The following SGCG variants were observed in gnomAD, a reference collection of about 807,000 sequenced individuals.
SGCG encodes gamma-sarcoglycan.
SGCG carries 26 observed loss-of-function variants against 29.3 expected under a neutral mutation model. That is an observed-to-expected ratio of 0.89 (90% CI 0.65 to 1.23). SGCG has a LOEUF of 1.23. Ranked by LOEUF, SGCG falls within the 50% of genes most tolerant of loss-of-function variation. SGCG has a pLI of 0.00. For missense variants in SGCG, 353 were observed against 356.0 expected (o/e 0.99, Z 0.07); for synonymous variants, 145 against 129.7 (o/e 1.12, Z -0.80).
rs186050311 is a variant in SGCG, at chr13:23,261,989, A to G, written c.385+11272A>G. Among the ~76,000 whole-genome samples the G allele has an allele frequency of 5.2e-3, 798 of 152,186 alleles. 1 individual carries two copies. Among genetic ancestry groups the G allele is most frequent in the Non-Finnish European group, 8.6e-3 (583 of 67,930 alleles). On this transcript the variant is annotated intron_variant, in intron 4 of 7. Transcript: ENST00000218867. ...AATTTGTCAGCACTAGACTAACCCT[A>G]AAAGAAATGCTGAAAGGAATTCTAA...
chr13:23,163,365 C>T, the SGCG span, among the ~76,000 whole-genome samples: 2 of 152,118 alleles, frequency 1.3e-5, no homozygotes, highest in African/African-American at 4.8e-5. Flanking sequence ...ATTTAAGGTC[C>T]TGGGGCCCTT....
At chr13:23,168,415 G>A in the SGCG span, among the ~76,000 whole-genome samples, 3 of 152,156 alleles carry the variant, frequency 2.0e-5, no homozygotes, top group African/African-American at 2.4e-5. Flanking sequence ...GACCTCTTTT[G>A]TCCTGTTCAT....
chr13:23,174,993 CAG>C, the SGCG span, among the ~76,000 whole-genome samples: 2 of 152,148 alleles, frequency 1.3e-5, no homozygotes, highest in African/African-American at 4.8e-5. Flanking sequence ...GCCGCAGCAA[CAG>C]TGCACTCAGT....
chr13:23,310,900 G>A (rs777419972), intron 6 of SGCG, among the ~76,000 whole-genome samples: 12 of 151,938 alleles, frequency 7.9e-5, no homozygotes, highest in East Asian at 1.9e-4. Flanking sequence ...TTTCATTGTG[G>A]TTTTATTTCA....
At chr13:23,297,640 A>C (rs12865976) in intron 6 of SGCG, among the ~76,000 whole-genome samples, 56,373 of 151,852 alleles carry the variant, frequency 0.37, 11,032 homozygotes, top group East Asian at 0.79. Context: ...GTTTTCCTTG[A>C]CCTCATTCTG....
At chr13:23,307,865 C>T (rs777665148) in intron 6 of SGCG, among the ~76,000 whole-genome samples, 2 of 152,040 alleles carry the variant, frequency 1.3e-5, no homozygotes, top group African/African-American at 4.8e-5. Context: ...TACATATAGA[C>T]AGTAGTATCT....
chr13:23,306,537 A>G (rs1041549902), intron 6 of SGCG, among the ~76,000 whole-genome samples: 2 of 152,164 alleles, frequency 1.3e-5, no homozygotes, highest in Non-Finnish European at 1.5e-5. Flanking sequence ...TCATGGTTTT[A>G]TACAGCTCAT....
At chr13:23,254,328 C>T (rs2137575255) in intron 4 of SGCG, among the ~76,000 whole-genome samples, 1 of 152,192 alleles carries the variant, frequency 6.6e-6, no homozygotes, top group South Asian at 2.1e-4. Flanking sequence ...ATAAACATCA[C>T]CTGTGTAATG....
chr13:23,207,836 G>A (rs760934323), intron 2 of SGCG, among the ~76,000 whole-genome samples: 6 of 152,128 alleles, frequency 3.9e-5, no homozygotes, highest in East Asian at 3.9e-4. Context: ...TGGAACCCTC[G>A]TGCACTGTTG....
At position 23,277,604 on chromosome 13, in the gene SGCG, T is replaced by G. The variant is rs577341602; in HGVS notation, c.386-1755T>G. On this transcript the variant is annotated intron_variant, in intron 4 of 7. Coordinates refer to ENST00000218867, the MANE Select transcript of SGCG (RefSeq NM_000231.3). ...TAATAGAAAGGCTTTACTTAATGTC[T>G]ACCAGGTATCCAAAAATTTTTATGA... is the stretch of plus-strand genomic sequence containing the variant. 1.1e-4 allele frequency among the ~76,000 whole-genome samples: 16 copies of G among 152,092 alleles called. No homozygotes were observed. The East Asian group carries it at 3.1e-3, about 29-fold the overall frequency.
intron 2 of SGCG, among the ~76,000 whole-genome samples, chr13:23,232,438 C>T (rs983967770): frequency 1.3e-5 from 2 of 152,130 alleles, no homozygotes; most frequent in Non-Finnish European, 2.9e-5. Flanking sequence ...TTGTTTCATC[C>T]TTTGGATTGT....
chr13:23,273,071 A>G (rs1228920746), intron 4 of SGCG, among the ~76,000 whole-genome samples: 1 of 151,916 alleles, frequency 6.6e-6, no homozygotes, highest in African/African-American at 2.4e-5. Flanking sequence ...GATCTCTTTT[A>G]TACTGTTTTC....
At chr13:23,295,055 C>A (rs1881849490) in intron 5 of SGCG, among the ~76,000 whole-genome samples, 1 of 152,106 alleles carries the variant, frequency 6.6e-6, no homozygotes, top group South Asian at 2.1e-4. Flanking sequence ...TACATAAAAT[C>A]TAGAGAATTA....
chr13:23,188,692 C>A (rs559183727), intron 1 of SGCG, among the ~76,000 whole-genome samples: 1 of 152,194 alleles, frequency 6.6e-6, no homozygotes, highest in South Asian at 2.1e-4. Context: ...AGTTAGTGGA[C>A]AAATGCTGTT....
chr13:23,165,321 A>G, the SGCG span, among the ~76,000 whole-genome samples: 1 of 152,158 alleles, frequency 6.6e-6, no homozygotes, highest in African/African-American at 2.4e-5. Context: ...TGAATATTGC[A>G]GCATTATTCT....
the SGCG span, among the ~76,000 whole-genome samples, chr13:23,161,960 T>C: frequency 6.6e-6 from 1 of 152,248 alleles, no homozygotes; most frequent in Non-Finnish European, 1.5e-5. Context: ...TGTCAATCTT[T>C]CTTAAATCTC....
intron 3 of SGCG, among the ~76,000 whole-genome samples, chr13:23,242,500 C>G (rs1186727251): frequency 6.6e-6 from 1 of 152,110 alleles, no homozygotes; most frequent in African/African-American, 2.4e-5. Context: ...ATAAAAAGTT[C>G]TACGTTCTAT....
At position 23,320,731 on chromosome 13, in the gene SGCG, G is replaced by T; in HGVS notation, c.673G>T (p.Asp225Tyr). Residue 225 changes from aspartate to tyrosine, a missense_variant, in exon 7 of 8, where the codon GAT (aspartate) becomes TAT (tyrosine). Physicochemically the swap from Asp to Tyr is radical, Grantham distance 160. Coordinates refer to ENST00000218867, the MANE Select transcript of SGCG (RefSeq NM_000231.3). ...GAAAATTGAGGCGCTTTCTCAAATG[G>T]ATATTCTTTTTCATAGTAGTGATGG... ...AGKIEALSQM[D>Y]ILFHSSDGML... 6.2e-7 allele frequency: 1 copy of T among 1,613,622 alleles called. No individual in the cohort carries two copies. Among genetic ancestry groups the T allele is most frequent in the Non-Finnish European group, 8.5e-7 (1 of 1,179,836 alleles).
chr13:23,228,209 AC>A (rs1439873854), intron 2 of SGCG, among the ~76,000 whole-genome samples: 9 of 151,992 alleles, frequency 5.9e-5, no homozygotes, highest in Admixed American at 5.2e-4. Context: ...TATTTAGTGA[AC>A]TTTATTTCAT....
Sources: gnomAD v4.1 joint callset for allele counts (sites outside exome capture counted in the v4.1 genomes callset) on GRCh38, gnomAD v4.1.1 for gene constraint, MANE v1.5 for transcripts, NCBI Gene and HGNC (gene_info 2026-07-23, HGNC 2026-07-21) for gene names.